The following SDK1 variants were observed in gnomAD, a reference collection of about 807,000 sequenced individuals.
The protein encoded by SDK1 is protein sidekick-1.
A neutral mutation model predicts 245.5 loss-of-function variants in SDK1; 157 were observed. The ratio of observed to expected loss-of-function variants is 0.64; its 90% confidence interval spans 0.56 to 0.73. The LOEUF (loss-of-function observed/expected upper bound fraction) is 0.73. SDK1 is among the 30% of genes least tolerant of loss of function. The probability of loss-of-function intolerance (pLI) is 0.00; values close to 1 mark genes in which losing one functional copy is unlikely to be tolerated. For missense variants in SDK1, 3,583 were observed against 3,002.3 expected, an observed-to-expected ratio of 1.19 and a Z score of -4.52; for synonymous variants, 1,647 against 1,278.5, an observed-to-expected ratio of 1.29 and a Z score of -6.15.
intron 1 of SDK1, among the ~76,000 whole-genome samples, chr7:3,616,523 C>T (rs1316951203): frequency 6.6e-6 from 1 of 152,158 alleles, no homozygotes; most frequent in Non-Finnish European, 1.5e-5. Flanking sequence ...TGGAGTGCTG[C>T]CAACACTTTT....
chr7:3,893,354 T>C (rs1562517780), intron 5 of SDK1, among the ~76,000 whole-genome samples: 1 of 152,118 alleles, frequency 6.6e-6, no homozygotes, highest in Non-Finnish European at 1.5e-5. Context: ...GGATCCTTAA[T>C]GCCCCCGCGG....
intron 4 of SDK1, among the ~76,000 whole-genome samples, chr7:3,670,919 T>G (rs1783682142): frequency 6.6e-6 from 1 of 152,246 alleles, no homozygotes; most frequent in South Asian, 2.1e-4. Context: ...GAAACCTTCT[T>G]TGATTCCTAC....
intron 19 of SDK1, among the ~76,000 whole-genome samples, chr7:4,065,427 A>G (rs1779811074): frequency 6.6e-6 from 1 of 150,586 alleles, no homozygotes; most frequent in Admixed American, 6.6e-5. Context: ...AGAGGACAGC[A>G]TCTTTGGGCA....
intron 1 of SDK1, among the ~76,000 whole-genome samples, chr7:3,315,581 T>C (rs4236323): frequency 0.22 from 33,209 of 152,178 alleles, 4,463 homozygotes; most frequent in East Asian, 0.42. Flanking sequence ...TTTTATAATA[T>C]GATGCAGTGA....
At chr7:3,852,194 C>G (rs1310572012) in intron 5 of SDK1, among the ~76,000 whole-genome samples, 1 of 146,676 alleles carries the variant, frequency 6.8e-6, no homozygotes. Context: ...TTTTTTTTAA[C>G]TTGAGATTCT....
At chr7:3,313,608 G>A (rs1364558445) in intron 1 of SDK1, among the ~76,000 whole-genome samples, 3 of 152,174 alleles carry the variant, frequency 2.0e-5, no homozygotes, top group Non-Finnish European at 4.4e-5. Flanking sequence ...AAAAGTGTCA[G>A]CAGTTTCCAC....
rs1251026130 is a variant in SDK1 at position 4,012,001 on chromosome 7, A to G, written c.2280-94A>G. 4 of 1,123,460 alleles carry G rather than the reference A, an allele frequency of 3.6e-6. No homozygotes were observed. The African/African-American group carries it at 4.8e-5, about 14-fold the overall frequency. 69.6% of individuals were successfully genotyped at this position (1,123,460 alleles called of 1,614,324 possible). On this transcript the variant is annotated intron_variant, in intron 15 of 44. Transcript: ENST00000404826. Reference sequence around the variant, plus strand: ...TGAAACCCGATTTTTGTGAATAGTCAGGCTCAAGATTCAGCAAGATAGATG... The same window carrying G: ...TGAAACCCGATTTTTGTGAATAGTCGGGCTCAAGATTCAGCAAGATAGATG...
intron 22 of SDK1, among the ~76,000 whole-genome samples, chr7:4,088,593 C>G (rs759814296): frequency 6.6e-6 from 1 of 151,482 alleles, no homozygotes; most frequent in Middle Eastern, 3.2e-3. Context: ...TTAATTGCAT[C>G]AGACTATTTT....
At chr7:4,142,011 T>C (rs1014047711) in intron 28 of SDK1, among the ~76,000 whole-genome samples, 33 of 152,214 alleles carry the variant, frequency 2.2e-4, no homozygotes, top group African/African-American at 2.6e-4. Context: ...TGCCTCGGCC[T>C]CCCAAAGTGC....
intron 35 of SDK1, among the ~76,000 whole-genome samples, chr7:4,204,148 G>A (rs1382058691): frequency 6.6e-6 from 1 of 152,258 alleles, no homozygotes; most frequent in Non-Finnish European, 1.5e-5. Context: ...TAATGGCCGC[G>A]CTCAATTTTG....
At chr7:3,583,005 C>T (rs1330131979) in intron 1 of SDK1, among the ~76,000 whole-genome samples, 1 of 152,140 alleles carries the variant, frequency 6.6e-6, no homozygotes, top group African/African-American at 2.4e-5. Flanking sequence ...AGTGCATTCC[C>T]AAGTCCTTCC....
chr7:3,951,690 G>A lies in SDK1; in HGVS notation c.960-40G>A, dbSNP rs1274472922. ...AGATGATGACCGTTGCCACCTCCCT[G>A]AGTCACAATCGTCGTCATGAATGCC... On this transcript the variant is annotated intron_variant, in intron 6 of 44. Transcript: ENST00000404826. 5.0e-6 allele frequency: 8 copies of A among 1,586,112 alleles called. No individual in the cohort carries two copies. In the South Asian group the frequency reaches 8.9e-5, roughly 18 times the overall value.
intron 1 of SDK1, among the ~76,000 whole-genome samples, chr7:3,596,633 G>A (rs193174495): frequency 8.5e-5 from 13 of 152,084 alleles, no homozygotes; most frequent in Non-Finnish European, 1.5e-4. Flanking sequence ...GTAGGCAGTC[G>A]TTTTTCTGAT....
Position 4,249,301 on chromosome 7 carries a change from G to A in SDK1, c.6381+3496G>A, listed in dbSNP as rs562434337. Among the ~76,000 whole-genome samples the A allele has an allele frequency of 8.5e-5, 13 of 152,316 alleles. No homozygotes were observed. In the South Asian group the frequency reaches 2.7e-3, roughly 32 times the overall value. ...GAGAGGCAGACCTCAGCATCTAACT[G>A]GAAATCCCACCTTCCCACCAGTCCT... On this transcript the variant is annotated intron_variant, in intron 44 of 44. Coordinates refer to ENST00000404826, the MANE Select transcript of SDK1 (RefSeq NM_152744.4).
intron 40 of SDK1, among the ~76,000 whole-genome samples, chr7:4,228,046 C>G (rs866430252): frequency 6.6e-6 from 1 of 152,046 alleles, no homozygotes; most frequent in African/African-American, 2.4e-5. Flanking sequence ...CAAATCACGC[C>G]GTAAAAAATG....
At position 3,389,733 on chromosome 7, in the gene SDK1, C is replaced by G. The variant is rs144369606; in HGVS notation, c.298+87849C>G. ...TGAGCTGTGATCGTGCCACTGCACT[C>G]CACAGCCTGGGCAACAGAAATAAAC... On this transcript the variant is annotated intron_variant, in intron 1 of 44. Transcript: ENST00000404826. Among the ~76,000 whole-genome samples, 686 of 142,546 alleles carry G rather than the reference C, an allele frequency of 4.8e-3. 8 individuals carry two copies. Among genetic ancestry groups the G allele is most frequent in the African/African-American group, 0.017 (630 of 37,752 alleles). The allele number at this position is 142,546 out of a possible 152,430, so 93.5% of individuals were successfully genotyped here.
In SDK1 at chr7:3,419,508, G is replaced by C. The variant is rs140601189; in HGVS notation, c.298+117624G>C. On this transcript the variant is annotated intron_variant, in intron 1 of 44. Transcript: ENST00000404826. ...TTTCTCCCACCCGGCAGGTCCGCAG[G>C]GGGTTGCTGTTTCGAAAGTATTGAG... is the stretch of plus-strand genomic sequence containing the variant. Among the ~76,000 whole-genome samples, 218 of 152,246 alleles carry C rather than the reference G, an allele frequency of 1.4e-3. 1 individual carries two copies. Among genetic ancestry groups the C allele is most frequent in the African/African-American group, 5.0e-3 (208 of 41,552 alleles).
intron 17 of SDK1, among the ~76,000 whole-genome samples, chr7:4,024,451 A>T (rs1378485947): frequency 6.6e-6 from 1 of 152,236 alleles, no homozygotes; most frequent in East Asian, 1.9e-4. Flanking sequence ...AGCGTTGCCT[A>T]AAACACTAAG....
rs186844035 is a variant in SDK1 at position 3,635,650 on chromosome 7, G to A, written c.459-3354G>A. On this transcript the variant is annotated intron_variant, in intron 2 of 44. Transcript: ENST00000404826. ...TCTTTTTGGGTGGGTAAAGTGTACC[G>A]TCACTCTGTTTTCTTCTCCCCTTTT... Among the ~76,000 whole-genome samples, 312 of 152,256 alleles carry A rather than the reference G, an allele frequency of 2.0e-3. 4 individuals are homozygous for A. The highest frequency in any genetic ancestry group is 7.4e-3 in the African/African-American group (306 of 41,568).
Sources: allele counts gnomAD v4.1 joint callset (sites outside exome capture counted in the v4.1 genomes callset), GRCh38; gene constraint gnomAD v4.1.1; transcripts MANE v1.5; gene names NCBI Gene and HGNC (gene_info 2026-07-23, HGNC 2026-07-21).